The following SDK1 variants were observed in gnomAD, a reference collection of about 807,000 sequenced individuals.
The protein encoded by SDK1 is protein sidekick-1.
A neutral mutation model predicts 245.5 loss-of-function variants in SDK1; 157 were observed. The observed-to-expected ratio is 0.64, with a 90% CI of 0.56 to 0.73. SDK1 has a LOEUF of 0.73. Ranked by LOEUF, SDK1 falls within the 30% of genes least tolerant of loss-of-function variation. The pLI is 0.00. For synonymous variants in SDK1, 1,647 were observed against 1,278.5 expected (o/e 1.29, Z -6.15); for missense variants, 3,583 against 3,002.3 (o/e 1.19, Z -4.52).
At position 4,070,064 on chromosome 7, in the gene SDK1, G is replaced by A. The variant is rs560339345; in HGVS notation, c.3010+2128G>A. The stretch of plus-strand genomic sequence containing the variant: ...GCACCCTGAGGCCACAGAAATGCCT[G>A]ACGGTTCTGTTTATTAAGTAGTTAG... On this transcript the variant is annotated intron_variant, in intron 20 of 44. Transcript: ENST00000404826. 3.3e-5 allele frequency among the ~76,000 whole-genome samples: 5 copies of A among 152,356 alleles called. No homozygotes were observed. The East Asian group carries it at 9.6e-4, about 29-fold the overall frequency.
intron 17 of SDK1, among the ~76,000 whole-genome samples, chr7:4,034,584 A>G (rs1449424161): frequency 1.3e-5 from 2 of 152,112 alleles, no homozygotes; most frequent in East Asian, 1.9e-4. Context: ...CATTTAAAAC[A>G]CAAACTGATG....
intron 1 of SDK1, among the ~76,000 whole-genome samples, chr7:3,365,152 A>G (rs1195697989): frequency 1.3e-5 from 2 of 152,190 alleles, no homozygotes; most frequent in South Asian, 2.1e-4. Context: ...ATGTAAAGCC[A>G]TTGAACATGG....
intron 1 of SDK1, among the ~76,000 whole-genome samples, chr7:3,460,102 T>A (rs185515081): frequency 6.6e-6 from 1 of 152,236 alleles, no homozygotes; most frequent in African/African-American, 2.4e-5. Flanking sequence ...TAAATGACAT[T>A]ATTATTTTCA....
chr7:4,171,520 A>G (rs948673252), intron 32 of SDK1, among the ~76,000 whole-genome samples: 2 of 152,178 alleles, frequency 1.3e-5, no homozygotes, highest in Admixed American at 6.5e-5. Flanking sequence ...CTCATTTGAC[A>G]TTGAAGTCCC....
At chr7:3,602,668 C>T (rs952577132) in intron 1 of SDK1, among the ~76,000 whole-genome samples, 3 of 151,882 alleles carry the variant, frequency 2.0e-5, no homozygotes, top group African/African-American at 7.3e-5. Context: ...TGTGCAGAAG[C>T]TCTTTAGTTT....
intron 5 of SDK1, among the ~76,000 whole-genome samples, chr7:3,899,900 A>T (rs1781726895): frequency 1.3e-5 from 2 of 152,244 alleles, no homozygotes; most frequent in South Asian, 4.1e-4. Context: ...TGCTGCAGGC[A>T]TTGTGTGGAA....
intron 5 of SDK1, among the ~76,000 whole-genome samples, chr7:3,845,003 G>T (rs980624237): frequency 6.6e-6 from 1 of 152,164 alleles, no homozygotes; most frequent in African/African-American, 2.4e-5. Context: ...GACAGAGAAT[G>T]GACTACCTGA....
chr7:3,503,465 G>A (rs1396467170), intron 1 of SDK1, among the ~76,000 whole-genome samples: 2 of 152,092 alleles, frequency 1.3e-5, no homozygotes, highest in Non-Finnish European at 2.9e-5. Flanking sequence ...GATTGCTTGA[G>A]CCCAGGAGTT....
chr7:3,590,300 C>CTTTTTTTTTT (rs200303832), intron 1 of SDK1, among the ~76,000 whole-genome samples: 92 of 96,126 alleles, frequency 9.6e-4, no homozygotes, highest in Middle Eastern at 8.8e-3. Flanking sequence ...TTTCCTGTTC[C>CTTTTTTTTTT]TTTTTTTTTT....
chr7:3,975,997 G>A (rs1394110381), intron 13 of SDK1, among the ~76,000 whole-genome samples: 1 of 25,326 alleles, frequency 3.9e-5, no homozygotes, highest in African/African-American at 1.7e-4. Context: ...TCCCGGGGCT[G>A]AGGCTGCCAC....
chr7:4,215,712 C>A (rs900661904), intron 38 of SDK1, among the ~76,000 whole-genome samples: 1 of 152,208 alleles, frequency 6.6e-6, no homozygotes, highest in Non-Finnish European at 1.5e-5. Flanking sequence ...GTTTGGTTCA[C>A]AGCCGTGCAT....
intron 28 of SDK1, chr7:4,134,606 CA>C (rs2128201073): frequency 1.3e-5 from 2 of 152,476 alleles, no homozygotes; most frequent in South Asian, 4.1e-4. Flanking sequence ...GAGTCCACAA[CA>C]ACAGTGTTCC....
chr7:3,748,463 G>T (rs116086583), intron 4 of SDK1, among the ~76,000 whole-genome samples: 3 of 152,128 alleles, frequency 2.0e-5, no homozygotes, highest in Non-Finnish European at 4.4e-5. Flanking sequence ...ATTAAATGGC[G>T]AGTAGTCAGG....
intron 1 of SDK1, 90 bp from the exon 2 acceptor site, chr7:3,618,990 G>C (rs1242218159): frequency 9.6e-7 from 1 of 1,044,012 alleles, no homozygotes; most frequent in South Asian, 1.9e-5. Context: ...TTAATATTAC[G>C]TTTGTTTAAA....
At chr7:4,197,683 G>C (rs1475160766) in intron 35 of SDK1, among the ~76,000 whole-genome samples, 1 of 152,182 alleles carries the variant, frequency 6.6e-6, no homozygotes, top group Non-Finnish European at 1.5e-5. Flanking sequence ...CTCTTTGCTG[G>C]CCTGGCCTGT....
intron 7 of SDK1, among the ~76,000 whole-genome samples, chr7:3,954,989 A>G (rs1353626383): frequency 6.6e-6 from 1 of 151,760 alleles, no homozygotes; most frequent in African/African-American, 2.4e-5. Context: ...TAAGACAAGG[A>G]TGCCCCTTAC....
intron 4 of SDK1, among the ~76,000 whole-genome samples, chr7:3,672,062 A>G (rs1410677647): frequency 6.6e-6 from 1 of 152,134 alleles, no homozygotes; most frequent in Non-Finnish European, 1.5e-5. Context: ...GGGCTTATCC[A>G]TGATATGGGA....
At chr7:3,888,941 CTT>C (rs1385453876) in intron 5 of SDK1, among the ~76,000 whole-genome samples, 1 of 152,120 alleles carries the variant, frequency 6.6e-6, no homozygotes, top group African/African-American at 2.4e-5. Flanking sequence ...AACTATGGCT[CTT>C]TATTATTTTA....
At chr7:3,536,139 C>T (rs1778879065) in intron 1 of SDK1, among the ~76,000 whole-genome samples, 1 of 151,814 alleles carries the variant, frequency 6.6e-6, no homozygotes, top group African/African-American at 2.4e-5. Flanking sequence ...TCACTGCAAG[C>T]TCCGCCTCCT....
Sources: allele counts gnomAD v4.1 joint callset (sites outside exome capture counted in the v4.1 genomes callset), GRCh38; gene constraint gnomAD v4.1.1; transcripts MANE v1.5; gene names NCBI Gene and HGNC (gene_info 2026-07-23, HGNC 2026-07-21).